TNRC18: variants seen among roughly 807,000 people sequenced by gnomAD.
TNRC18 encodes trinucleotide repeat containing 18, also known as trinucleotide repeat-containing gene 18 protein.
A neutral mutation model predicts 226.7 loss-of-function variants in TNRC18; 69 were observed. The observed-to-expected ratio is 0.30, with a 90% CI of 0.25 to 0.37. The LOEUF (loss-of-function observed/expected upper bound fraction) is 0.37. Ranked by LOEUF, TNRC18 falls within the 10% of genes least tolerant of loss-of-function variation. The pLI is 1.00. For missense variants in TNRC18, 4,754 were observed against 4,256.6 expected, an observed-to-expected ratio of 1.12 and a Z score of -3.25; for synonymous variants, 2,449 against 1,927.6, an observed-to-expected ratio of 1.27 and a Z score of -7.09.
At chr7:5,387,621 G>A (rs916911119) in intron 5 of TNRC18, 51 bp downstream of exon 5, 18 of 1,594,434 alleles carry the variant, frequency 1.1e-5, no homozygotes, top group African/African-American at 8.1e-5. Flanking sequence ...TACGGGAAAC[G>A]GCAGAGAGAC....
In TNRC18 at chr7:5,321,153, CT is replaced by C; in HGVS notation, c.6479del (p.Lys2160ArgfsTer57). The C allele has an allele frequency of 6.4e-7, 1 of 1,553,662 alleles. No individual in the cohort carries two copies. Among genetic ancestry groups the C allele is most frequent in the Non-Finnish European group, 8.7e-7 (1 of 1,149,364 alleles). On this transcript the variant is annotated frameshift_variant, in exon 22 of 30. Coordinates refer to ENST00000430969, the MANE Select transcript of TNRC18 (RefSeq NM_001080495.3). LOFTEE classifies it high-confidence loss of function. Reference sequence around the variant, plus strand: ...TGGGGATGAGCACACGCAGGCCGTCCTTCAGCTCATCCTTGTCGATGATGCA... The same window carrying C: ...TGGGGATGAGCACACGCAGGCCGTCCTCAGCTCATCCTTGTCGATGATGCA... ...RSCIIDKDEL[K>X]DGLRVLIPMD...
rs1371802682 is a variant in TNRC18, at chr7:5,356,814, G to A, written c.5194+102C>T. The A allele has an allele frequency of 2.2e-6, 3 of 1,370,470 alleles. No homozygotes were observed. The African/African-American group carries it at 5.8e-5, about 27-fold the overall frequency. 84.9% of individuals were successfully genotyped at this position (1,370,470 alleles called of 1,614,324 possible). A position where few individuals can be genotyped will look rare whatever the true frequency, so the allele number is the denominator to read the frequency against. On this transcript the variant is annotated intron_variant, in intron 16 of 29. Transcript: ENST00000430969. Reference sequence around the variant, plus strand: ...CGCCCCAGAGAGAGAGCGAGAGCGAGAGAGAGAGTGAGGGGCGGGGGGGGA... The same window carrying A: ...CGCCCCAGAGAGAGAGCGAGAGCGAAAGAGAGAGTGAGGGGCGGGGGGGGA...
intron 25 of TNRC18, 109 bp downstream of exon 25, chr7:5,315,847 C>T: frequency 1.3e-6 from 1 of 771,450 alleles, no homozygotes; most frequent in Non-Finnish European, 2.0e-6. Flanking sequence ...GCTTCCATCA[C>T]CTGTGGCTCC....
chr7:5,421,786 C>T (rs1206178530), intron 1 of TNRC18, among the ~76,000 whole-genome samples: 1 of 152,214 alleles, frequency 6.6e-6, no homozygotes, highest in Non-Finnish European at 1.5e-5. Flanking sequence ...CTCCCGAAAC[C>T]GGGGAGGGCT....
At chr7:5,406,298 AC>A (rs1462512281) in intron 2 of TNRC18, among the ~76,000 whole-genome samples, 9 of 151,850 alleles carry the variant, frequency 5.9e-5, no homozygotes, top group Non-Finnish European at 1.0e-4. Flanking sequence ...TCCCATCTCT[AC>A]AAAAAATACA....
chr7:5,339,813 G>A (rs901027769), intron 18 of TNRC18, among the ~76,000 whole-genome samples: 20 of 144,904 alleles, frequency 1.4e-4, no homozygotes, highest in African/African-American at 4.4e-4. Flanking sequence ...CAAGTGATCC[G>A]CCCACCTCGG....
intron 3 of TNRC18, among the ~76,000 whole-genome samples, chr7:5,393,236 TGGTTAAAGTGGGA>T (rs1009722608): frequency 6.6e-6 from 1 of 152,166 alleles, no homozygotes; most frequent in Admixed American, 6.5e-5. Context: ...CTGCCTTGGC[TGGTTAAAGTGGGA>T]GGCTCAGGTG....
chr7:5,378,025 CT>C lies in TNRC18; in HGVS notation c.2153-2del. The C allele has an allele frequency of 6.2e-7, 1 of 1,608,242 alleles. No homozygotes were observed. ...CAGTCCTCATCTGCTCGGCCGTGCC[CT>C]GCAGGGGGCCAGGTGGAAGTGAGCC... On this transcript the variant is annotated splice_acceptor_variant, in intron 5 of 29. Coordinates refer to ENST00000430969, the MANE Select transcript of TNRC18 (RefSeq NM_001080495.3). LOFTEE classifies it high-confidence loss of function.
chr7:5,325,724 ATTTTTTTTTTTT>A (rs66514806), intron 19 of TNRC18: 4 of 62,856 alleles, frequency 6.4e-5, no homozygotes, highest in South Asian at 5.4e-4. Context: ...GCGCCCTGCA[ATTTTTTTTTTTT>A]TTTTTTTTTT....
Position 5,388,862 on chromosome 7 carries a change from G to T in TNRC18, c.962C>A (p.Thr321Lys). 1 of 1,280,400 alleles carries T rather than the reference G, an allele frequency of 7.8e-7. No homozygotes were observed. Among genetic ancestry groups the T allele is most frequent in the Non-Finnish European group, 9.9e-7 (1 of 1,009,846 alleles). The allele number at this position is 1,280,400 out of a possible 1,614,324, so 79.3% of individuals were successfully genotyped here. A position where few individuals can be genotyped will look rare whatever the true frequency, so the allele number is the denominator to read the frequency against. ...GCGCGGCCCAGGGAGCAGGGTCTCC[G>T]TGCGCCGCAGCAGCCGCGCGCCCTC... ...QDEGARLLRR[T>K]ETLLPGPRPC... The change falls in exon 5 of 30, where the codon ACG becomes AAG. Residue 321 changes from threonine (T) to lysine (K), a missense_variant. Coordinates refer to ENST00000430969, the MANE Select transcript of TNRC18 (RefSeq NM_001080495.3).
chr7:5,408,518 C>T (rs1781631144), intron 2 of TNRC18, among the ~76,000 whole-genome samples: 1 of 151,278 alleles, frequency 6.6e-6, no homozygotes, highest in Non-Finnish European at 1.5e-5. Flanking sequence ...TGTGGCAGCG[C>T]GTGCAGCTAC....
chr7:5,308,330 T>A lies in TNRC18; in HGVS notation c.8701-18A>T. Reference sequence around the variant, plus strand: ...AGCGCGCGCTGCGGGCACGCGGGGATATCAGGATGGCAGGTGGGGGGCACA... The same window carrying A: ...AGCGCGCGCTGCGGGCACGCGGGGAAATCAGGATGGCAGGTGGGGGGCACA... On this transcript the variant is annotated intron_variant, in intron 29 of 29. Coordinates refer to ENST00000430969, the MANE Select transcript of TNRC18 (RefSeq NM_001080495.3). 3 of 1,594,822 alleles carry A rather than the reference T, an allele frequency of 1.9e-6. No homozygotes were observed. The highest frequency in any genetic ancestry group is 2.6e-6 in the Non-Finnish European group (3 of 1,170,804).
Position 5,356,966 on chromosome 7 carries a change from G to A in TNRC18, c.5144C>T (p.Pro1715Leu). The A allele has an allele frequency of 6.4e-7, 1 of 1,551,984 alleles. No individual in the cohort carries two copies. ...MEVGFKARGQPKSAHSPFASE... is the reference protein window; with the variant it reads ...MEVGFKARGQLKSAHSPFASE... ...GGCAAACGGGGAATGGGCCGACTTG[G>A]GCTGGCCTCTGGCCTTGAACCCCAC... Residue 1715 changes from proline to leucine, a missense_variant, in exon 16 of 30, where the codon CCC becomes CTC. By Grantham distance (98) the Pro-to-Leu change is moderately conservative. Transcript: ENST00000430969.
chr7:5,341,833 C>G (rs1057199185), intron 18 of TNRC18, among the ~76,000 whole-genome samples: 1 of 150,106 alleles, frequency 6.7e-6, no homozygotes, highest in Non-Finnish European at 1.5e-5. Flanking sequence ...GCATGATTTA[C>G]TGAATATTTT....
At position 5,390,537 on chromosome 7, in the gene TNRC18, C is replaced by A. The variant is rs1169336337; in HGVS notation, c.435G>T (p.Gln145His). 4.3e-6 allele frequency: 7 copies of A among 1,613,638 alleles called. No individual in the cohort carries two copies. In the Admixed American group the frequency reaches 1.2e-4, roughly 27 times the overall value. ...PPSSGSPLLS[Q>H]LGQPSIFDTQ... is the part of the protein sequence containing the mutation. The stretch of plus-strand genomic sequence containing the variant: ...TATCGAAAATGCTGGGCTGACCCAG[C>A]TGGCTGAGGAGGGGGCTCCCACTGC... The change falls in exon 4 of 30, where the codon CAG becomes CAT. Residue 145 changes from glutamine to histidine, a missense_variant. Coordinates refer to ENST00000430969, the MANE Select transcript of TNRC18 (RefSeq NM_001080495.3).
intron 15 of TNRC18, 151 bp downstream of exon 15, chr7:5,359,247 A>G: frequency 3.6e-6 from 3 of 831,402 alleles, no homozygotes; most frequent in Non-Finnish European, 5.8e-6. Flanking sequence ...AATAAGGAAG[A>G]TTGGAGAAGA....
intron 8 of TNRC18, among the ~76,000 whole-genome samples, chr7:5,376,591 T>C (rs1360816562): frequency 6.6e-6 from 1 of 151,946 alleles, no homozygotes; most frequent in Non-Finnish European, 1.5e-5. Flanking sequence ...TGGCGCCAGG[T>C]AAGGGGAATC....
intron 2 of TNRC18, among the ~76,000 whole-genome samples, chr7:5,402,674 T>A (rs1415290923): frequency 2.0e-5 from 3 of 151,894 alleles, no homozygotes; most frequent in African/African-American, 7.3e-5. Flanking sequence ...GTCAACGTGG[T>A]GAAACCGCAT....
chr7:5,401,199 G>C (rs1781060327), intron 2 of TNRC18, among the ~76,000 whole-genome samples: 1 of 142,238 alleles, frequency 7.0e-6, no homozygotes, highest in South Asian at 2.4e-4. Flanking sequence ...CTGTATGGTG[G>C]GCACCTGAAG....
Sources: gnomAD v4.1 joint callset for allele counts (sites outside exome capture counted in the v4.1 genomes callset) on GRCh38, gnomAD v4.1.1 for gene constraint, MANE v1.5 for transcripts, NCBI Gene and HGNC (gene_info 2026-07-23, HGNC 2026-07-21) for gene names.